The following STAG1 variants were observed in gnomAD, a reference collection of about 807,000 sequenced individuals.
The protein encoded by STAG1 is cohesin subunit SA-1.
Under a neutral mutation model 170.9 loss-of-function variants are expected in STAG1, and 26 were observed. The observed-to-expected ratio is 0.15, with a 90% confidence interval of 0.11 to 0.21. STAG1 has a LOEUF of 0.21. STAG1 is among the 10% of genes least tolerant of loss of function. STAG1 has a pLI of 1.00. For synonymous variants in STAG1, 514 were observed against 497.7 expected, an observed-to-expected ratio of 1.03 and a Z score of -0.44; for missense variants, 964 against 1,509.5, an observed-to-expected ratio of 0.64 and a Z score of 5.99.
At chr3:136,734,936 G>A (rs1934252702) in intron 1 of STAG1, among the ~76,000 whole-genome samples, 1 of 152,156 alleles carries the variant, frequency 6.6e-6, no homozygotes, top group South Asian at 2.1e-4. Context: ...TCACTTACAT[G>A]TGGAATCTAA....
At chr3:136,571,989 C>A (rs577456505) in intron 4 of STAG1, among the ~76,000 whole-genome samples, 1 of 152,246 alleles carries the variant, frequency 6.6e-6, no homozygotes, top group Admixed American at 6.5e-5. Context: ...TCCAGACCAG[C>A]CTGGCCAACA....
intron 13 of STAG1, among the ~76,000 whole-genome samples, chr3:136,464,226 C>T (rs1022345847): frequency 1.3e-5 from 2 of 151,650 alleles, no homozygotes; most frequent in Non-Finnish European, 2.9e-5. Context: ...GAGTTCGACA[C>T]CGGCCTGACC....
At chr3:136,648,581 A>T (rs1417421530) in intron 1 of STAG1, among the ~76,000 whole-genome samples, 1 of 152,200 alleles carries the variant, frequency 6.6e-6, no homozygotes, top group Admixed American at 6.5e-5. Flanking sequence ...AACCTAAGTA[A>T]AATTTAAGAT....
intron 1 of STAG1, among the ~76,000 whole-genome samples, chr3:136,724,600 T>TAAAAAAA (rs58430366): frequency 9.6e-6 from 1 of 104,670 alleles, no homozygotes; most frequent in East Asian, 3.4e-4. Context: ...GAATGATCAA[T>TAAAAAAA]AAAAAAAAAA....
chr3:136,340,506 G>T lies in STAG1; in HGVS notation c.3657C>A (p.Thr1219=). The change falls in exon 32 of 34, where the codon ACC becomes ACA. Residue 1219 remains threonine, a synonymous_variant. Transcript: ENST00000383202. The part of the protein sequence containing the change: ...LEDMNEEFED[T]MVIDLPPSRN... Reference sequence around the variant, plus strand: ...ATTTCTCTACCAGATCAATAACCATGGTGTCCTCAAATTCTTCATTCATAT... The same window carrying T: ...ATTTCTCTACCAGATCAATAACCATTGTGTCCTCAAATTCTTCATTCATAT... 2 of 1,604,388 alleles carry T rather than the reference G, an allele frequency of 1.2e-6. No homozygotes were observed. The highest frequency in any genetic ancestry group is 1.7e-6 in the Non-Finnish European group (2 of 1,171,208).
At chr3:136,401,479 G>C (rs1181620705) in intron 21 of STAG1, among the ~76,000 whole-genome samples, 1 of 152,156 alleles carries the variant, frequency 6.6e-6, no homozygotes, top group Non-Finnish European at 1.5e-5. Context: ...CAAAGTGTTT[G>C]TATCTACTAG....
intron 1 of STAG1, among the ~76,000 whole-genome samples, chr3:136,637,440 A>G (rs1445240413): frequency 6.6e-6 from 1 of 152,222 alleles, no homozygotes; most frequent in East Asian, 1.9e-4. Context: ...TGATGTGCTC[A>G]ATGGGATAGC....
intron 1 of STAG1, among the ~76,000 whole-genome samples, chr3:136,705,904 G>A (rs1943215038): frequency 6.6e-6 from 1 of 151,772 alleles, no homozygotes; most frequent in Non-Finnish European, 1.5e-5. Context: ...CATACCGAGA[G>A]GCCAAGGTGG....
chr3:136,465,787 T>TCTAA (rs748136599), intron 12 of STAG1, among the ~76,000 whole-genome samples: 1 of 151,922 alleles, frequency 6.6e-6, no homozygotes, highest in Non-Finnish European at 1.5e-5. Flanking sequence ...TAAATACTAT[T>TCTAA]CTAACAAAAA....
intron 1 of STAG1, among the ~76,000 whole-genome samples, chr3:136,679,926 G>A (rs1942278734): frequency 6.6e-6 from 1 of 151,698 alleles, no homozygotes; most frequent in Admixed American, 6.6e-5. Context: ...GCATCATGAA[G>A]TCAGGACATA....
rs111279005 is a variant in STAG1, at chr3:136,342,022, AT to A, written c.3447-472del. On this transcript the variant is annotated intron_variant, in intron 30 of 33. Transcript: ENST00000383202. ...GTGTGTGTAAACATGCCTCTAAGGA[AT>A]TTTTTTTTTTTTTTGAGATGGAGTC... Among the ~76,000 whole-genome samples, 1,076 of 145,344 alleles carry A rather than the reference AT, an allele frequency of 7.4e-3. 14 individuals carry two copies. The highest frequency in any genetic ancestry group is 0.037 in the Middle Eastern group (10 of 272).
intron 21 of STAG1, among the ~76,000 whole-genome samples, chr3:136,415,593 T>C (rs1467499651): frequency 6.6e-6 from 1 of 152,170 alleles, no homozygotes; most frequent in East Asian, 1.9e-4. Context: ...ATCCCAACAC[T>C]TTGGGAAGCC....
At chr3:136,385,169 C>A (rs910711793) in intron 22 of STAG1, among the ~76,000 whole-genome samples, 2 of 152,116 alleles carry the variant, frequency 1.3e-5, no homozygotes, top group Non-Finnish European at 2.9e-5. Context: ...CTTTTTCTGG[C>A]TGGGTGGGGC....
intron 1 of STAG1, among the ~76,000 whole-genome samples, chr3:136,666,596 T>C (rs1010795118): frequency 3.9e-5 from 6 of 152,062 alleles, no homozygotes; most frequent in Non-Finnish European, 2.9e-5. Context: ...GGTGGGTGGA[T>C]CACCTGAGGT....
chr3:136,367,111 A>C (rs768305201), intron 24 of STAG1, 29 bp from the exon 25 acceptor site: 9 of 1,561,496 alleles, frequency 5.8e-6, no homozygotes, highest in Non-Finnish European at 7.9e-6. Flanking sequence ...TTGGTTATGA[A>C]TTCTGGTACT....
chr3:136,440,543 C>G (rs2088599274), intron 15 of STAG1, among the ~76,000 whole-genome samples: 1 of 151,988 alleles, frequency 6.6e-6, no homozygotes, highest in Admixed American at 6.6e-5. Context: ...CTACCTTACT[C>G]TGGCAATTTT....
chr3:136,511,449 T>C (rs968764382), intron 7 of STAG1, among the ~76,000 whole-genome samples: 1 of 152,196 alleles, frequency 6.6e-6, no homozygotes, highest in Non-Finnish European at 1.5e-5. Flanking sequence ...ATATACACCA[T>C]GGAAGGCTTT....
At chr3:136,430,501 TA>T (rs1429615832) in intron 16 of STAG1, among the ~76,000 whole-genome samples, 1 of 152,100 alleles carries the variant, frequency 6.6e-6, no homozygotes, top group Non-Finnish European at 1.5e-5. Flanking sequence ...CTCAACACTA[TA>T]GTGCTATAAT....
At chr3:136,494,504 T>G (rs1932967532) in intron 9 of STAG1, among the ~76,000 whole-genome samples, 1 of 152,138 alleles carries the variant, frequency 6.6e-6, no homozygotes, top group Non-Finnish European at 1.5e-5. Context: ...CTGTTATTCC[T>G]TATGAAAGTA....
Sources: gnomAD v4.1 joint callset for allele counts (sites outside exome capture counted in the v4.1 genomes callset) on GRCh38, gnomAD v4.1.1 for gene constraint, MANE v1.5 for transcripts, NCBI Gene and HGNC (gene_info 2026-07-23, HGNC 2026-07-21) for gene names.